Variants in LAMA4 observed in about 807,000 individuals in gnomAD.
The protein encoded by LAMA4 is laminin subunit alpha 4, also known as laminin subunit alpha-4.
LAMA4 carries 127 observed loss-of-function variants against 207.1 expected under a neutral mutation model. That is an observed-to-expected ratio of 0.61 (90% confidence interval 0.53 to 0.71). The LOEUF (loss-of-function observed/expected upper bound fraction) is 0.71, where lower values mean the gene tolerates loss of function less well. Ranked by LOEUF, LAMA4 falls within the 30% of genes least tolerant of loss-of-function variation. The pLI is 0.00. For missense variants in LAMA4, 2,093 were observed against 2,246.5 expected (o/e 0.93, Z 1.38); for synonymous variants, 761 against 816.0 (o/e 0.93, Z 1.15).
chr6:112,238,617 G>A (rs1362793204), intron 2 of LAMA4, among the ~76,000 whole-genome samples: 1 of 152,092 alleles, frequency 6.6e-6, no homozygotes, highest in Non-Finnish European at 1.5e-5. Flanking sequence ...TGAGGCAGGA[G>A]AATAGCTTGA....
chr6:112,192,681 A>T (rs1554349488), intron 5 of LAMA4, among the ~76,000 whole-genome samples: 1 of 152,188 alleles, frequency 6.6e-6, no homozygotes, highest in East Asian at 1.9e-4. Context: ...TGGAGACTGA[A>T]ATCCATCTAG....
intron 2 of LAMA4, chr6:112,216,704 A>G (rs1554358879): frequency 2.5e-5 from 13 of 517,458 alleles, no homozygotes; most frequent in Non-Finnish European, 4.5e-5. Context: ...TTCACTTTTC[A>G]GGAGAACAGA....
chr6:112,150,240 CACACAG>C (rs1562664755), intron 17 of LAMA4, among the ~76,000 whole-genome samples: 1 of 151,470 alleles, frequency 6.6e-6, no homozygotes, highest in African/African-American at 2.4e-5. Context: ...CACACAGACA[CACACAG>C]ACACACACAC....
chr6:112,155,463 T>C, intron 15 of LAMA4, 102 bp downstream of exon 15: 1 of 1,327,828 alleles, frequency 7.5e-7, no homozygotes, highest in Non-Finnish European at 1.1e-6. Context: ...TTCCACTCTT[T>C]CTGCCATTTG....
chr6:112,139,158 G>T lies in LAMA4; in HGVS notation c.3244C>A (p.Pro1082Thr). 1 of 1,614,148 alleles carries T rather than the reference G, an allele frequency of 6.2e-7. No individual in the cohort carries two copies. The highest frequency in any genetic ancestry group is 8.5e-7 in the Non-Finnish European group (1 of 1,180,000). ...AGGAGAATAAGGCCGTTGTCAGCTG[G>T]TGTTCGAACTTCTATGTCAAAGCGA... ...VTRFDIEVRT[P>T]ADNGLILLMV... is the part of the protein sequence containing the mutation. The change falls in exon 24 of 39, where the codon CCA (proline) becomes ACA (threonine). Residue 1082 changes from proline (P) to threonine (T), a missense_variant. Coordinates refer to ENST00000230538, the MANE Select transcript of LAMA4 (RefSeq NM_001105206.3).
At chr6:112,253,146 C>A (rs1787582995) in intron 2 of LAMA4, among the ~76,000 whole-genome samples, 1 of 152,142 alleles carries the variant, frequency 6.6e-6, no homozygotes, top group South Asian at 2.1e-4. Context: ...TCCTTCCTTT[C>A]CCATGAACTT....
At chr6:112,193,090 G>A in intron 5 of LAMA4, among the ~76,000 whole-genome samples, 1 of 152,198 alleles carries the variant, frequency 6.6e-6, no homozygotes, top group East Asian at 1.9e-4. Flanking sequence ...GCCAACTGGA[G>A]CTGCAGACAC....
At chr6:112,127,482 T>C (rs1778767228) in intron 31 of LAMA4, among the ~76,000 whole-genome samples, 1 of 151,774 alleles carries the variant, frequency 6.6e-6, no homozygotes, top group African/African-American at 2.4e-5. Context: ...ACATGGCCCA[T>C]TCTAGGAATA....
Position 112,188,629 on chromosome 6 carries a change from G to C in LAMA4, c.814+481C>G, listed in dbSNP as rs115235785. On this transcript the variant is annotated intron_variant, in intron 7 of 38. Coordinates refer to ENST00000230538, the MANE Select transcript of LAMA4 (RefSeq NM_001105206.3). The stretch of plus-strand genomic sequence containing the variant: ...AGGAGAGCCAGAGAAAACCAGGAGA[G>C]ATAAAAGGCAGTTCCATTTTGTAAA... 6.9e-3 allele frequency among the ~76,000 whole-genome samples: 1,048 copies of C among 152,344 alleles called. 19 individuals carry two copies. The highest frequency in any genetic ancestry group is 0.024 in the African/African-American group (1,001 of 41,572).
chr6:112,128,157 A>G (rs1487551699), intron 31 of LAMA4, among the ~76,000 whole-genome samples: 3 of 152,168 alleles, frequency 2.0e-5, no homozygotes, highest in Non-Finnish European at 1.5e-5. Flanking sequence ...GTACTAAATA[A>G]TATGTATTAT....
In LAMA4 at chr6:112,144,945, A is replaced by G; in HGVS notation, c.2354-12T>C. The G allele has an allele frequency of 6.2e-7, 1 of 1,608,380 alleles. No homozygotes were observed. Among genetic ancestry groups the G allele is most frequent in the Non-Finnish European group, 8.5e-7 (1 of 1,176,200 alleles). On this transcript the variant is annotated splice_polypyrimidine_tract_variant and intron_variant, in intron 18 of 38. Coordinates refer to ENST00000230538, the MANE Select transcript of LAMA4 (RefSeq NM_001105206.3). ...GGTCAGATTTCTTACTGCAGTTAAT[A>G]AAAATTAATCATTTAAGAAAATAAC...
At chr6:112,198,788 C>A (rs1554351262) in intron 5 of LAMA4, among the ~76,000 whole-genome samples, 1 of 152,128 alleles carries the variant, frequency 6.6e-6, no homozygotes, top group African/African-American at 2.4e-5. Flanking sequence ...TGGACAATGA[C>A]CACCATGACT....
intron 6 of LAMA4, among the ~76,000 whole-genome samples, chr6:112,190,947 C>CTTTCTTTCCTTTCTTT (rs1491586717): frequency 1.7e-4 from 7 of 40,470 alleles, no homozygotes; most frequent in African/African-American, 5.4e-4. Flanking sequence ...TTCTTTCTTT[C>CTTTCTTTCCTTTCTTT]CTTTCTTTCT....
At chr6:112,223,453 C>A (rs1183229659) in intron 2 of LAMA4, among the ~76,000 whole-genome samples, 2 of 152,204 alleles carry the variant, frequency 1.3e-5, no homozygotes. Flanking sequence ...CTGACAGACA[C>A]CAAGCACTGA....
chr6:112,190,930 T>A (rs1365209458), intron 6 of LAMA4, among the ~76,000 whole-genome samples: 9 of 79,802 alleles, frequency 1.1e-4, no homozygotes, highest in Admixed American at 2.8e-4. Flanking sequence ...TTTCTTTCTT[T>A]CTTTCTTTCT....
At chr6:112,237,735 G>A (rs1259338663) in intron 2 of LAMA4, among the ~76,000 whole-genome samples, 2 of 152,158 alleles carry the variant, frequency 1.3e-5, no homozygotes, top group African/African-American at 4.8e-5. Context: ...TCAAACATAT[G>A]ACAAACCATC....
At chr6:112,203,642 T>C (rs1554353253) in intron 4 of LAMA4, among the ~76,000 whole-genome samples, 1 of 152,170 alleles carries the variant, frequency 6.6e-6, no homozygotes, top group East Asian at 1.9e-4. Flanking sequence ...CTCTCCTTTT[T>C]TGCAGCCAGT....
At chr6:112,227,224 C>T (rs1785271020) in intron 2 of LAMA4, among the ~76,000 whole-genome samples, 1 of 152,072 alleles carries the variant, frequency 6.6e-6, no homozygotes, top group African/African-American at 2.4e-5. Flanking sequence ...GCACCTGCCA[C>T]CATGCCAGGC....
intron 16 of LAMA4, among the ~76,000 whole-genome samples, chr6:112,153,434 C>A (rs187085906): frequency 1.3e-5 from 2 of 152,166 alleles, no homozygotes; most frequent in Admixed American, 1.3e-4. Flanking sequence ...GTGAACAGGT[C>A]TGCAAAATAT....
Sources: allele counts gnomAD v4.1 joint callset (sites outside exome capture counted in the v4.1 genomes callset), GRCh38; gene constraint gnomAD v4.1.1; transcripts MANE v1.5; gene names NCBI Gene and HGNC (gene_info 2026-07-23, HGNC 2026-07-21).